PSG5: variants seen among roughly 807,000 people sequenced by gnomAD.
The protein encoded by PSG5 is pregnancy-specific beta-1-glycoprotein 5.
Under a neutral mutation model 37.7 loss-of-function variants are expected in PSG5, and 53 were observed. The observed-to-expected ratio is 1.41, with a 90% CI of 1.13 to 1.77. The LOEUF (loss-of-function observed/expected upper bound fraction) is 1.77. Ranked by LOEUF, PSG5 falls within the 40% of genes most tolerant of loss-of-function variation. PSG5 has a pLI of 0.00. For synonymous variants in PSG5, 221 were observed against 155.4 expected, an observed-to-expected ratio of 1.42 and a Z score of -3.14; for missense variants, 547 against 405.2, an observed-to-expected ratio of 1.35 and a Z score of -3.00.
chr19:43,175,175 A>G, intron 4 of PSG5, 40 bp downstream of exon 4: 1 of 1,612,038 alleles, frequency 6.2e-7, no homozygotes, highest in Non-Finnish European at 8.5e-7. Flanking sequence ...GGTAGACTCC[A>G]CCTAAAACCC....
intron 1 of PSG5, among the ~76,000 whole-genome samples, 153 bp from the exon 2 acceptor site, chr19:43,185,300 T>A (rs1966909728): frequency 6.6e-6 from 1 of 151,228 alleles, no homozygotes; most frequent in African/African-American, 2.4e-5. Context: ...CATGTTAGTT[T>A]GTGTGTGTGT....
intron 2 of PSG5, chr19:43,179,167 A>G: frequency 6.3e-7 from 1 of 1,582,548 alleles, no homozygotes; most frequent in Non-Finnish European, 8.7e-7. Flanking sequence ...ACTTTGCAGA[A>G]AACAGAGAGA....
rs549671211 is a variant in PSG5 at position 43,173,492 on chromosome 19, A to G, written c.964+1723T>C. On this transcript the variant is annotated intron_variant, in intron 4 of 5. Transcript: ENST00000342951. ...TAATTTCCAGAATACATGAAAAGCT[A>G]CAAGTCAACAACAGCAAACATCCAA... Among the ~76,000 whole-genome samples the G allele has an allele frequency of 1.5e-4, 23 of 151,866 alleles. 1 individual carries two copies. The highest frequency in any genetic ancestry group is 5.3e-4 in the African/African-American group (22 of 41,346).
chr19:43,179,039 A>T, intron 2 of PSG5: 1 of 1,612,744 alleles, frequency 6.2e-7, no homozygotes. Context: ...GGCTCTGACC[A>T]TTCATCCACC....
In PSG5 at chr19:43,176,156, G is replaced by A. The variant is rs776814678; in HGVS notation, c.431-8C>T. The A allele has an allele frequency of 4.3e-6, 7 of 1,610,784 alleles. No homozygotes were observed. Among genetic ancestry groups the A allele is most frequent in the East Asian group, 2.2e-5 (1 of 44,868 alleles). ...AGGGCTTGGGCAGCTTCACTGTGTGGATAACAGAGAGAAGATTGTCCTGTG... is the reference window on the plus strand; with the variant it reads ...AGGGCTTGGGCAGCTTCACTGTGTGAATAACAGAGAGAAGATTGTCCTGTG... On this transcript the variant is annotated splice_polypyrimidine_tract_variant and splice_region_variant and intron_variant, in intron 2 of 5. Coordinates refer to ENST00000342951, the MANE Select transcript of PSG5 (RefSeq NM_002781.4).
intron 2 of PSG5, chr19:43,178,938 C>G (rs1344067705): frequency 1.2e-6 from 2 of 1,612,878 alleles, no homozygotes; most frequent in Non-Finnish European, 1.7e-6. Context: ...CCGTATTTCA[C>G]ATTCATAGGG....
rs186773749 is a variant in PSG5 at position 43,185,818 on chromosome 19, C to T, written c.64+524G>A. On this transcript the variant is annotated intron_variant, in intron 1 of 5. Transcript: ENST00000342951. Reference sequence around the variant, plus strand: ...CTTATACTTTTATTAGAAGTGTCATCTGATATAGTTATTATTATCATTTTT... The same window carrying T: ...CTTATACTTTTATTAGAAGTGTCATTTGATATAGTTATTATTATCATTTTT... 6.1e-4 allele frequency among the ~76,000 whole-genome samples: 71 copies of T among 115,548 alleles called. 1 individual carries two copies. Among genetic ancestry groups the T allele is most frequent in the African/African-American group, 2.4e-3 (66 of 27,316 alleles). 75.8% of individuals were successfully genotyped at this position (115,548 alleles called of 152,430 possible).
In PSG5 at chr19:43,179,475, A is replaced by G. The variant is rs568364839; in HGVS notation, c.431-3327T>C. Among the ~76,000 whole-genome samples, 56 of 151,724 alleles carry G rather than the reference A, an allele frequency of 3.7e-4. 1 individual carries two copies. The Middle Eastern group carries it at 0.01, about 28-fold the overall frequency. On this transcript the variant is annotated intron_variant, in intron 2 of 5. Transcript: ENST00000342951. Reference sequence around the variant, plus strand: ...TCCTCCGACTAAAACTGCCTGCCTGACCCACCTTGTGGTCCTCACTTGGAG... The same window carrying G: ...TCCTCCGACTAAAACTGCCTGCCTGGCCCACCTTGTGGTCCTCACTTGGAG...
Position 43,184,968 on chromosome 19 carries a change from A to ATGATG in PSG5, c.239_243dup (p.Tyr82HisfsTer4). 6.2e-7 allele frequency: 1 copy of ATGATG among 1,612,300 alleles called. No homozygotes were observed. Among genetic ancestry groups the ATGATG allele is most frequent in the Non-Finnish European group, 8.5e-7 (1 of 1,178,960 alleles). On this transcript the variant is annotated frameshift_variant, in exon 2 of 6. Transcript: ENST00000342951. LOFTEE classifies it high-confidence loss of function. ...ATATTTATTTGACCGTCTACTACAT[A>ATGATG]TGATGTAATGTAATGGTAGAGGTCC...
In PSG5 at chr19:43,185,115, T is replaced by C; in HGVS notation, c.97A>G (p.Thr33Ala). The C allele has an allele frequency of 6.2e-7, 1 of 1,609,954 alleles. No individual in the cohort carries two copies. ...AGGGCTTCAATCGTGACTTGAGCAG[T>C]GATAGGCAGGTTCCAGAAGTTTAAA... is the stretch of plus-strand genomic sequence containing the variant. Reference protein sequence around the residue: ...SLLNFWNLPITAQVTIEALPP... With the variant: ...SLLNFWNLPIAAQVTIEALPP... Residue 33 changes from threonine to alanine, a missense_variant, in exon 2 of 6, where the codon ACT becomes GCT. Physicochemically the swap from Thr to Ala is moderately conservative, Grantham distance 58. Transcript: ENST00000342951.
chr19:43,176,138 G>A lies in PSG5; in HGVS notation c.441C>T (p.Pro147=), dbSNP rs146572189. The A allele has an allele frequency of 1.9e-6, 3 of 1,611,270 alleles. No homozygotes were observed. Among genetic ancestry groups the A allele is most frequent in the Admixed American group, 1.7e-5 (1 of 59,892 alleles). The stretch of plus-strand genomic sequence containing the variant: ...AGTTGTTGATGGTGATGTAGGGCTT[G>A]GGCAGCTTCACTGTGTGGATAACAG... ...YFTFNLYLKL[P]KPYITINNSK... The change falls in exon 3 of 6, where the codon CCC becomes CCT. Residue 147 remains proline, a synonymous_variant. Transcript: ENST00000342951.
At chr19:43,178,614 GAT>G (rs1461566245) in intron 2 of PSG5, among the ~76,000 whole-genome samples, 2 of 151,600 alleles carry the variant, frequency 1.3e-5, no homozygotes, top group African/African-American at 4.9e-5. Context: ...TGTGTTCACT[GAT>G]CTGGAGCCTG....
chr19:43,184,307 G>A (rs1199966214), intron 2 of PSG5, among the ~76,000 whole-genome samples: 1 of 151,668 alleles, frequency 6.6e-6, no homozygotes, highest in African/African-American at 2.4e-5. Flanking sequence ...CTTGGTCCCA[G>A]TAAGGCCTGC....
chr19:43,184,901 T>A lies in PSG5; in HGVS notation c.311A>T (p.Asn104Ile). ...AYTGRETVYS[N>I]ASLLIQNVTR... ...GACATTCTGGATCAGCAGGGATGCA[T>A]TGGAATATACTGTTTCTCGTCCAGT... The change falls in exon 2 of 6, where the codon AAT (asparagine) becomes ATT (isoleucine). Residue 104 changes from asparagine (N) to isoleucine (I), a missense_variant. By Grantham distance (149) the Asn-to-Ile change is moderately radical. Transcript: ENST00000342951. The A allele has an allele frequency of 6.2e-7, 1 of 1,612,564 alleles. No homozygotes were observed. Among genetic ancestry groups the A allele is most frequent in the Non-Finnish European group, 8.5e-7 (1 of 1,179,150 alleles).
rs758037049 is a variant in PSG5 at position 43,186,329 on chromosome 19, G to T, written c.64+13C>A. 3.1e-6 allele frequency: 5 copies of T among 1,611,718 alleles called. No homozygotes were observed. The East Asian group carries it at 1.1e-4, about 36-fold the overall frequency. On this transcript the variant is annotated intron_variant, in intron 1 of 5. Coordinates refer to ENST00000342951, the MANE Select transcript of PSG5 (RefSeq NM_002781.4). The stretch of plus-strand genomic sequence containing the variant: ...TCCTCCTCCTGTCCTCTCCCAGGAA[G>T]TTCTCTCCTCACCTGTGAGCAGGAG...
chr19:43,175,930 A>G lies in PSG5; in HGVS notation c.649T>C (p.Cys217Arg). Residue 217 changes from cysteine to arginine, a missense_variant, in exon 3 of 6, where the codon TGT (cysteine) becomes CGT (arginine). Cys to Arg is a radical substitution (Grantham distance 180, BLOSUM62 -3). Transcript: ENST00000342951. ...CCACCATCTCGGTCCCGTATTTCAC[A>G]TTCATAGGGTCCTGTTTCATTTCTC... ...VTRNETGPYECEIRDRDGGMR... is the reference protein window; with the variant it reads ...VTRNETGPYEREIRDRDGGMR... 6.2e-7 allele frequency: 1 copy of G among 1,612,424 alleles called. No homozygotes were observed. Among genetic ancestry groups the G allele is most frequent in the South Asian group, 1.1e-5 (1 of 91,036 alleles).
rs1968965730 is a variant in PSG5, at chr19:43,174,563, T to C, written c.964+652A>G. The stretch of plus-strand genomic sequence containing the variant: ...CAGGACGCAACGCAGGAGTCTTCCC[T>C]GAGGCTCCCTCTCTTCTTATTTCCC... On this transcript the variant is annotated intron_variant, in intron 4 of 5. Transcript: ENST00000342951. The C allele has an allele frequency of 4.3e-6, 4 of 921,896 alleles. No individual in the cohort carries two copies. The South Asian group carries it at 1.5e-4, about 34-fold the overall frequency. The allele number at this position is 921,896 out of a possible 1,614,324, so 57.1% of individuals were successfully genotyped here.
Position 43,179,073 on chromosome 19 carries a change from G to A in PSG5, c.431-2925C>T, listed in dbSNP as rs191336879. ...CCACAGGTAGCTTGTGTCTGAAGCC[G>A]CAGGATCACAGGTTAAGATCACAGC... is the stretch of plus-strand genomic sequence containing the variant. On this transcript the variant is annotated intron_variant, in intron 2 of 5. Coordinates refer to ENST00000342951, the MANE Select transcript of PSG5 (RefSeq NM_002781.4). The A allele has an allele frequency of 4.3e-4, 695 of 1,612,066 alleles. 17 individuals are homozygous for A. In the African/African-American group the frequency reaches 6.1e-3, roughly 14 times the overall value.
rs56339663 is a variant in PSG5 at position 43,185,429 on chromosome 19, ACCC to A, written c.65-285_65-283del. On this transcript the variant is annotated intron_variant, in intron 1 of 5. Coordinates refer to ENST00000342951, the MANE Select transcript of PSG5 (RefSeq NM_002781.4). Reference sequence around the variant, plus strand: ...CCTCTTCCCCAGGGGTCCACACGGCACCCCCCCCCCCCCACACTGCCCTCAGGT... The same window carrying A: ...CCTCTTCCCCAGGGGTCCACACGGCACCCCCCCCCCACACTGCCCTCAGGT... 4.7e-3 allele frequency among the ~76,000 whole-genome samples: 626 copies of A among 133,306 alleles called. 15 individuals carry two copies. Among genetic ancestry groups the A allele is most frequent in the African/African-American group, 0.011 (408 of 35,694 alleles). The allele number at this position is 133,306 out of a possible 152,430, so 87.5% of individuals were successfully genotyped here.
Sources: allele counts gnomAD v4.1 joint callset (sites outside exome capture counted in the v4.1 genomes callset), GRCh38; gene constraint gnomAD v4.1.1; transcripts MANE v1.5; gene names NCBI Gene and HGNC (gene_info 2026-07-23, HGNC 2026-07-21).